Variants in CEP112 observed in about 807,000 individuals in gnomAD.
CEP112 encodes the protein centrosomal protein of 112 kDa.
CEP112 carries 127 observed loss-of-function variants against 153.0 expected under a neutral mutation model. That is an observed-to-expected ratio of 0.83 (90% confidence interval 0.72 to 0.96). CEP112 has a LOEUF of 0.96. Ranked by LOEUF, CEP112 falls within the 40% of genes least tolerant of loss-of-function variation. The pLI is 0.00. For synonymous variants in CEP112, 358 were observed against 374.4 expected (o/e 0.96, Z 0.51); for missense variants, 1,089 against 1,101.2 (o/e 0.99, Z 0.16).
intron 16 of CEP112, among the ~76,000 whole-genome samples, chr17:66,019,874 G>A (rs2064930523): frequency 6.6e-6 from 1 of 152,178 alleles, no homozygotes; most frequent in Non-Finnish European, 1.5e-5. Flanking sequence ...ATTCACCAGG[G>A]AGGGAGACTG....
chr17:65,650,740 A>T (rs1012751781), intron 24 of CEP112, among the ~76,000 whole-genome samples: 5 of 149,604 alleles, frequency 3.3e-5, no homozygotes, highest in South Asian at 2.1e-4. Context: ...TAAAAAAAAA[A>T]AAAAAAAAAA....
rs77034708 is a variant in CEP112 at position 65,681,078 on chromosome 17, G to C, written c.2697+8051C>G. ...GCTGCAAAGGCACAGATAGATAAAA[G>C]TGGGACATCAGGTGGGCAGGGCTGT... On this transcript the variant is annotated intron_variant, in intron 24 of 26. Transcript: ENST00000535342. 8.4e-3 allele frequency among the ~76,000 whole-genome samples: 1,285 copies of C among 152,312 alleles called. 18 individuals carry two copies. Among genetic ancestry groups the C allele is most frequent in the African/African-American group, 0.029 (1,206 of 41,566 alleles).
At chr17:65,752,614 T>C (rs2051950540) in intron 21 of CEP112, among the ~76,000 whole-genome samples, 1 of 152,206 alleles carries the variant, frequency 6.6e-6, no homozygotes, top group South Asian at 2.1e-4. Flanking sequence ...ATCTGGGCCA[T>C]CTGTCCCAAA....
intron 8 of CEP112, among the ~76,000 whole-genome samples, chr17:66,085,632 G>A (rs554380575): frequency 1.4e-4 from 21 of 152,240 alleles, no homozygotes; most frequent in Admixed American, 1.3e-3. Context: ...AATAAGAATG[G>A]GGTGATATTT....
intron 5 of CEP112, among the ~76,000 whole-genome samples, chr17:66,130,692 T>A (rs868479649): frequency 6.7e-6 from 1 of 148,170 alleles, no homozygotes; most frequent in Non-Finnish European, 1.5e-5. Flanking sequence ...AGGAGAATGG[T>A]GTGAACCCGG....
Position 66,127,776 on chromosome 17 carries a change from C to A in CEP112, c.642+1970G>T, listed in dbSNP as rs189921651. Among the ~76,000 whole-genome samples the A allele has an allele frequency of 3.8e-3, 582 of 152,254 alleles. 2 individuals are homozygous for A. The highest frequency in any genetic ancestry group is 9.1e-3 in the South Asian group (44 of 4,824). On this transcript the variant is annotated intron_variant, in intron 6 of 26. Coordinates refer to ENST00000535342, the MANE Select transcript of CEP112 (RefSeq NM_001199165.4). ...CCTTGAACTATCCCATTTAACCTTA[C>A]CAGTTTTCAAACTCCACTATTTAAA...
intron 6 of CEP112, among the ~76,000 whole-genome samples, chr17:66,110,516 T>G (rs1211266673): frequency 6.6e-6 from 1 of 151,886 alleles, no homozygotes; most frequent in Admixed American, 6.6e-5. Flanking sequence ...GTTCAATAAA[T>G]AGAAGAATAT....
chr17:65,818,935 A>G (rs551642969), intron 21 of CEP112, among the ~76,000 whole-genome samples: 3 of 151,984 alleles, frequency 2.0e-5, no homozygotes, highest in Non-Finnish European at 4.4e-5. Context: ...TTACACCTCC[A>G]TTCTAAGGGA....
In CEP112 at chr17:65,837,060, C is replaced by G. The variant is rs1016436348; in HGVS notation, c.2394+14744G>C. ...ATGCGAGTGATCTGCCAGCCTCGGC[C>G]TCCCAAGGTGCCGGGATTGCAGACG... On this transcript the variant is annotated intron_variant, in intron 21 of 26. Coordinates refer to ENST00000535342, the MANE Select transcript of CEP112 (RefSeq NM_001199165.4). Among the ~76,000 whole-genome samples, 8 of 152,320 alleles carry G rather than the reference C, an allele frequency of 5.3e-5. No homozygotes were observed. The East Asian group carries it at 1.4e-3, about 26-fold the overall frequency.
chr17:65,937,567 G>GGGAGGT, intron 18 of CEP112, among the ~76,000 whole-genome samples: 1 of 48,400 alleles, frequency 2.1e-5, no homozygotes, highest in African/African-American at 7.4e-5. Flanking sequence ...GGAGGGAGGT[G>GGGAGGT]GGGGGGGTCA....
At chr17:65,761,654 G>C (rs147863104) in intron 21 of CEP112, among the ~76,000 whole-genome samples, 1 of 151,952 alleles carries the variant, frequency 6.6e-6, no homozygotes, top group East Asian at 1.9e-4. Flanking sequence ...TCTTTGACCC[G>C]TGTGATTTTT....
intron 21 of CEP112, among the ~76,000 whole-genome samples, chr17:65,830,832 C>T (rs936921828): frequency 1.3e-5 from 2 of 152,156 alleles, no homozygotes; most frequent in Admixed American, 1.3e-4. Flanking sequence ...GTTTAACTTC[C>T]AATTCTCACT....
intron 21 of CEP112, among the ~76,000 whole-genome samples, chr17:65,802,286 C>T (rs997292657): frequency 8.5e-5 from 13 of 152,278 alleles, no homozygotes; most frequent in African/African-American, 3.1e-4. Context: ...CACTTGTTCA[C>T]TGTTGTTTGC....
At chr17:65,770,701 A>T (rs116407263) in intron 21 of CEP112, among the ~76,000 whole-genome samples, 1,747 of 152,234 alleles carry the variant, frequency 0.011, 31 homozygotes, top group African/African-American at 0.039. Flanking sequence ...GAATGTGGAA[A>T]TGGAAGTATA....
intron 4 of CEP112, among the ~76,000 whole-genome samples, chr17:66,144,655 T>A (rs1434068274): frequency 6.6e-6 from 1 of 152,150 alleles, no homozygotes; most frequent in African/African-American, 2.4e-5. Flanking sequence ...ATCGCACCAC[T>A]GCACTCCAGT....
At chr17:65,888,571 A>G (rs1254619428) in intron 20 of CEP112, among the ~76,000 whole-genome samples, 1 of 151,950 alleles carries the variant, frequency 6.6e-6, no homozygotes, top group Non-Finnish European at 1.5e-5. Context: ...TCAGGTATCC[A>G]TTTTACTGTA....
intron 23 of CEP112, among the ~76,000 whole-genome samples, chr17:65,737,348 T>C (rs1160581960): frequency 1.3e-5 from 2 of 152,162 alleles, no homozygotes; most frequent in Non-Finnish European, 2.9e-5. Flanking sequence ...AGGATCATTA[T>C]GTTGTTATGA....
rs779982312 is a variant in CEP112, at chr17:66,029,191, G to A, written c.1435C>T (p.Leu479=). Reference sequence around the variant, plus strand: ...TCAGCATCATATTTGGTTTGTAACAGTTTCATGTTTTGCTCATAATCATTT... The same window carrying A: ...TCAGCATCATATTTGGTTTGTAACAATTTCATGTTTTGCTCATAATCATTT... ...LVNDYEQNMK[L]LQTKYDADIN... is the part of the protein sequence containing the mutation. Residue 479 remains leucine, a synonymous_variant, in exon 14 of 27, where the codon CTG becomes TTG. Coordinates refer to ENST00000535342, the MANE Select transcript of CEP112 (RefSeq NM_001199165.4). The A allele has an allele frequency of 4.3e-6, 7 of 1,610,998 alleles. No individual in the cohort carries two copies. The highest frequency in any genetic ancestry group is 5.9e-6 in the Non-Finnish European group (7 of 1,177,734).
At chr17:65,755,551 T>C (rs1478126350) in intron 21 of CEP112, among the ~76,000 whole-genome samples, 1 of 151,804 alleles carries the variant, frequency 6.6e-6, no homozygotes, top group East Asian at 1.9e-4. Flanking sequence ...CAGCTTTTGT[T>C]TGGGGCAAGA....
Sources: allele counts gnomAD v4.1 joint callset (sites outside exome capture counted in the v4.1 genomes callset), GRCh38; gene constraint gnomAD v4.1.1; transcripts MANE v1.5; gene names NCBI Gene and HGNC (gene_info 2026-07-23, HGNC 2026-07-21).